The following TRPM3 variants were observed in gnomAD, a reference collection of about 807,000 sequenced individuals.
TRPM3 encodes the protein transient receptor potential cation channel subfamily M member 3.
TRPM3 carries 77 observed loss-of-function variants against 181.2 expected under a neutral mutation model. That is an observed-to-expected ratio of 0.42 (90% CI 0.35 to 0.51). TRPM3 has a LOEUF of 0.51. Ranked by LOEUF, TRPM3 falls within the 20% of genes least tolerant of loss-of-function variation. TRPM3 has a pLI of 0.01. For synonymous variants in TRPM3, 745 were observed against 796.4 expected (o/e 0.94, Z 1.09); for missense variants, 1,759 against 2,196.7 (o/e 0.80, Z 3.98).
chr9:70,664,641 G>GTTTTTTTTTTTT (rs71367210), intron 9 of TRPM3, among the ~76,000 whole-genome samples: 2 of 100,220 alleles, frequency 2.0e-5, no homozygotes, highest in African/African-American at 3.6e-5. Flanking sequence ...TAGGAGAGTA[G>GTTTTTTTTTTTT]TTTTTTTTTT....
At chr9:70,811,072 A>G in intron 6 of TRPM3, 1 of 908,398 alleles carries the variant, frequency 1.1e-6, no homozygotes, top group Non-Finnish European at 1.7e-6. Context: ...AGTCATAGGG[A>G]GTGATACTGT....
At chr9:70,759,468 C>T (rs546554636) in intron 8 of TRPM3, among the ~76,000 whole-genome samples, 2 of 152,334 alleles carry the variant, frequency 1.3e-5, no homozygotes, top group African/African-American at 4.8e-5. Context: ...TTTGAACCAG[C>T]AATCCCATTA....
intron 6 of TRPM3, among the ~76,000 whole-genome samples, chr9:70,820,921 C>T (rs898315296): frequency 1.2e-4 from 18 of 152,252 alleles, no homozygotes; most frequent in South Asian, 8.3e-4. Flanking sequence ...AAAAGTTATA[C>T]TCTTCTCTTT....
At chr9:70,670,672 T>C (rs17460690) in intron 9 of TRPM3, among the ~76,000 whole-genome samples, 32,256 of 152,120 alleles carry the variant, frequency 0.21, 4,255 homozygotes, top group Non-Finnish European at 0.29. Flanking sequence ...TTTGATGGAT[T>C]TTGAATATGG....
At chr9:71,278,141 A>G (rs1486563322) in intron 1 of TRPM3, among the ~76,000 whole-genome samples, 1 of 152,238 alleles carries the variant, frequency 6.6e-6, no homozygotes, top group African/African-American at 2.4e-5. Context: ...CTGATCAATT[A>G]GTACAATTTC....
At chr9:71,306,872 A>G (rs1262271274) in intron 1 of TRPM3, among the ~76,000 whole-genome samples, 2 of 152,132 alleles carry the variant, frequency 1.3e-5, no homozygotes, top group African/African-American at 4.8e-5. Flanking sequence ...ACTCCGTCTC[A>G]ACAACAACAA....
intron 6 of TRPM3, among the ~76,000 whole-genome samples, chr9:70,794,200 T>C (rs2086408052): frequency 6.6e-6 from 1 of 152,064 alleles, no homozygotes; most frequent in Non-Finnish European, 1.5e-5. Context: ...GCATAACTCA[T>C]GATCGTGTGG....
intron 1 of TRPM3, among the ~76,000 whole-genome samples, chr9:71,322,991 C>T (rs62544223): frequency 0.13 from 20,256 of 152,094 alleles, 1,485 homozygotes; most frequent in Middle Eastern, 0.3. Flanking sequence ...AATATTTCTC[C>T]ATCTTTTTTG....
intron 1 of TRPM3, among the ~76,000 whole-genome samples, chr9:71,221,126 C>T (rs568531235): frequency 8.6e-4 from 131 of 152,156 alleles, no homozygotes; most frequent in Non-Finnish European, 1.7e-3. Context: ...AGTTCTTCAC[C>T]CATTGCTTTA....
intron 8 of TRPM3, among the ~76,000 whole-genome samples, chr9:70,692,301 A>G (rs10780958): frequency 0.65 from 98,673 of 152,094 alleles, 32,280 homozygotes; most frequent in African/African-American, 0.73. Flanking sequence ...AAGTTTCTAA[A>G]TGTTTCATAT....
chr9:70,684,130 G>T (rs909322043), intron 8 of TRPM3, among the ~76,000 whole-genome samples: 1 of 152,118 alleles, frequency 6.6e-6, no homozygotes, highest in Admixed American at 6.5e-5. Context: ...AAATTCTTCC[G>T]AGGCAGCAAA....
chr9:71,233,787 T>C (rs933139784), intron 1 of TRPM3, among the ~76,000 whole-genome samples: 3 of 152,236 alleles, frequency 2.0e-5, no homozygotes, highest in Non-Finnish European at 4.4e-5. Context: ...CAGTTAAGTC[T>C]TTAAAATGTC....
intron 1 of TRPM3, among the ~76,000 whole-genome samples, chr9:70,884,478 C>A (rs143310076): frequency 6.6e-6 from 1 of 152,172 alleles, no homozygotes; most frequent in African/African-American, 2.4e-5. Context: ...GCAGAACTGG[C>A]GATGGCCCCA....
chr9:71,026,766 G>T (rs2056582152), intron 1 of TRPM3, among the ~76,000 whole-genome samples: 1 of 152,218 alleles, frequency 6.6e-6, no homozygotes. Context: ...ACCACTGCCA[G>T]TGTGAATGTG....
chr9:70,870,406 T>C (rs1040323583), intron 1 of TRPM3, among the ~76,000 whole-genome samples: 1 of 152,074 alleles, frequency 6.6e-6, no homozygotes, highest in Non-Finnish European at 1.5e-5. Flanking sequence ...AACTTAGTTT[T>C]AGCTTTAAAC....
chr9:70,545,152 T>A (rs2044500674), intron 25 of TRPM3, among the ~76,000 whole-genome samples: 1 of 152,222 alleles, frequency 6.6e-6, no homozygotes, highest in African/African-American at 2.4e-5. Context: ...ATTGCAGAAT[T>A]AGTATTAAAA....
At chr9:70,828,788 C>T (rs1225192867) in intron 5 of TRPM3, among the ~76,000 whole-genome samples, 1 of 151,174 alleles carries the variant, frequency 6.6e-6, no homozygotes, top group East Asian at 1.9e-4. Flanking sequence ...TGCGACGATC[C>T]TGCAAAATAG....
At chr9:71,192,000 C>T (rs539191688) in intron 1 of TRPM3, among the ~76,000 whole-genome samples, 1 of 151,870 alleles carries the variant, frequency 6.6e-6, no homozygotes, top group Admixed American at 6.6e-5. Flanking sequence ...TACTTTCTTG[C>T]TCTGCTTTTT....
chr9:70,993,808 AAG>A lies in TRPM3; in HGVS notation c.177+127368_177+127369del, dbSNP rs1174062903. Among the ~76,000 whole-genome samples, 30 of 128,254 alleles carry A rather than the reference AAG, an allele frequency of 2.3e-4. No homozygotes were observed. The East Asian group carries it at 3.7e-3, about 16-fold the overall frequency. 84.1% of individuals were successfully genotyped at this position (128,254 alleles called of 152,430 possible). On this transcript the variant is annotated intron_variant, in intron 1 of 25. Transcript: ENST00000677713. ...TCAAAAAAAAAAAAAAAAAAAAAGA[AAG>A]AAAGAAAGAAAGAAAGCACTCCAGG... is the stretch of plus-strand genomic sequence containing the variant.
Sources: gnomAD v4.1 joint callset for allele counts (sites outside exome capture counted in the v4.1 genomes callset) on GRCh38, gnomAD v4.1.1 for gene constraint, MANE v1.5 for transcripts, NCBI Gene and HGNC (gene_info 2026-07-23, HGNC 2026-07-21) for gene names.